Variants in DTNA observed in about 807,000 individuals in gnomAD.
The protein encoded by DTNA is dystrobrevin alpha.
A neutral mutation model predicts 100.7 loss-of-function variants in DTNA; 43 were observed. That is an observed-to-expected ratio of 0.43 (90% CI 0.33 to 0.55). The LOEUF (loss-of-function observed/expected upper bound fraction) is 0.55. DTNA is among the 20% of genes least tolerant of loss of function. The pLI is 0.04. For missense variants in DTNA, 798 were observed against 953.9 expected (o/e 0.84, Z 2.15); for synonymous variants, 349 against 347.9 (o/e 1.00, Z -0.04).
intron 2 of DTNA, among the ~76,000 whole-genome samples, chr18:34,760,407 A>G (rs191566230): frequency 6.6e-6 from 1 of 152,226 alleles, no homozygotes; most frequent in Admixed American, 6.5e-5. Context: ...CTTTCTCTCA[A>G]GCCTTTACCT....
chr18:34,530,779 G>C (rs1043865531), intron 1 of DTNA, among the ~76,000 whole-genome samples: 1 of 152,092 alleles, frequency 6.6e-6, no homozygotes, highest in Non-Finnish European at 1.5e-5. Flanking sequence ...TCAAACCAAA[G>C]CTATCTGATC....
chr18:34,693,734 A>G (rs927430653), intron 1 of DTNA, among the ~76,000 whole-genome samples: 2 of 141,210 alleles, frequency 1.4e-5, no homozygotes, highest in Middle Eastern at 3.3e-3. Flanking sequence ...CCTGCTTGTC[A>G]TCTTGTGTGC....
intron 3 of DTNA, among the ~76,000 whole-genome samples, chr18:34,791,451 C>T (rs564351743): frequency 1.3e-5 from 2 of 152,168 alleles, no homozygotes; most frequent in Non-Finnish European, 2.9e-5. Flanking sequence ...AGAAGATTCA[C>T]AGATCAAATC....
At chr18:34,626,893 T>A (rs1436169929) in intron 1 of DTNA, among the ~76,000 whole-genome samples, 1 of 152,208 alleles carries the variant, frequency 6.6e-6, no homozygotes, top group Admixed American at 6.5e-5. Flanking sequence ...CTGTAGCTGA[T>A]AAGCTCACTG....
chr18:34,830,955 A>G (rs755632660), intron 11 of DTNA, among the ~76,000 whole-genome samples: 1 of 152,152 alleles, frequency 6.6e-6, no homozygotes, highest in Non-Finnish European at 1.5e-5. Flanking sequence ...TTAGTGTATT[A>G]TTATTATTAT....
chr18:34,502,489 A>G (rs1024980729), intron 1 of DTNA, among the ~76,000 whole-genome samples: 4 of 152,140 alleles, frequency 2.6e-5, no homozygotes, highest in African/African-American at 7.2e-5. Flanking sequence ...TAATGTATGC[A>G]TTTAGTGCTA....
At chr18:34,610,794 T>C (rs1476511880) in intron 1 of DTNA, among the ~76,000 whole-genome samples, 1 of 152,210 alleles carries the variant, frequency 6.6e-6, no homozygotes, top group Admixed American at 6.5e-5. Context: ...ATCTCTTAAA[T>C]TGGAACAATA....
intron 2 of DTNA, among the ~76,000 whole-genome samples, chr18:34,762,061 C>A (rs1266547247): frequency 6.6e-6 from 1 of 152,086 alleles, no homozygotes; most frequent in Non-Finnish European, 1.5e-5. Flanking sequence ...TTTTTTAGAT[C>A]TTGGCCAAAA....
At chr18:34,603,605 T>G (rs2052411928) in intron 1 of DTNA, among the ~76,000 whole-genome samples, 6 of 152,186 alleles carry the variant, frequency 3.9e-5, no homozygotes, top group Admixed American at 3.9e-4. Flanking sequence ...CTTGCAATAA[T>G]ATTTGTTTAA....
At chr18:34,655,032 T>C (rs1323374316) in intron 1 of DTNA, among the ~76,000 whole-genome samples, 2 of 152,192 alleles carry the variant, frequency 1.3e-5, no homozygotes, top group African/African-American at 4.8e-5. Context: ...CGGCCTAATT[T>C]TTTTAATAGG....
chr18:34,662,731 C>G (rs763692610), intron 1 of DTNA: 8 of 152,294 alleles, frequency 5.3e-5, no homozygotes, highest in Middle Eastern at 3.4e-3. Context: ...TAGCTAACAT[C>G]TGTTGAGTTG....
At chr18:34,674,163 CA>C (rs2077117955) in intron 1 of DTNA, among the ~76,000 whole-genome samples, 1 of 152,206 alleles carries the variant, frequency 6.6e-6, no homozygotes, top group Admixed American at 6.5e-5. Flanking sequence ...CAGCCAGTCT[CA>C]AAGGCACTTT....
chr18:34,706,837 A>G (rs1427936174), upstream of DTNA, among the ~76,000 whole-genome samples: 5 of 152,176 alleles, frequency 3.3e-5, no homozygotes, highest in Non-Finnish European at 4.4e-5. Flanking sequence ...AATAGATACT[A>G]ATCCGATTAA....
chr18:34,852,709 G>A (rs2096496118), intron 15 of DTNA, among the ~76,000 whole-genome samples: 1 of 152,034 alleles, frequency 6.6e-6, no homozygotes, highest in Admixed American at 6.6e-5. Flanking sequence ...CCTGTCTACA[G>A]CCTTTGAATT....
At chr18:34,664,589 G>A (rs1223560233) in intron 1 of DTNA, among the ~76,000 whole-genome samples, 2 of 152,088 alleles carry the variant, frequency 1.3e-5, no homozygotes, top group Admixed American at 6.6e-5. Flanking sequence ...CAAACTGGTG[G>A]TGTGGTTGTG....
chr18:34,786,969 T>C (rs532723931), intron 3 of DTNA, among the ~76,000 whole-genome samples: 1 of 152,228 alleles, frequency 6.6e-6, no homozygotes, highest in African/African-American at 2.4e-5. Context: ...TTCTTATACT[T>C]AAATGTGAAT....
At chr18:34,603,781 G>A (rs989206304) in intron 1 of DTNA, among the ~76,000 whole-genome samples, 2 of 152,046 alleles carry the variant, frequency 1.3e-5, no homozygotes, top group African/African-American at 4.8e-5. Flanking sequence ...AAATTTATTA[G>A]ACTTATTATT....
At chr18:34,706,926 T>G (rs1268862842), upstream of DTNA, among the ~76,000 whole-genome samples, 1 of 152,212 alleles carries the variant, frequency 6.6e-6, no homozygotes. Context: ...ACAATCTTTT[T>G]TTGTTGCTGT....
In DTNA at chr18:34,877,547, T is replaced by TCTG. The variant is rs541611712; in HGVS notation, c.1904-172_1904-171insCTG. On this transcript the variant is annotated intron_variant, in intron 18 of 22. Transcript: ENST00000444659. ...CAGGACCCACTGCCCTAAGCAGTGT[T>TCTG]TTGTTGTTGTTGTTGTTCTTGTTTC... is the stretch of plus-strand genomic sequence containing the variant. 5.8e-3 allele frequency among the ~76,000 whole-genome samples: 879 copies of TCTG among 152,256 alleles called. 2 individuals are homozygous for TCTG. The highest frequency in any genetic ancestry group is 9.2e-3 in the Non-Finnish European group (628 of 68,010).
Sources: gnomAD v4.1 joint callset for allele counts (sites outside exome capture counted in the v4.1 genomes callset) on GRCh38, gnomAD v4.1.1 for gene constraint, MANE v1.5 for transcripts, NCBI Gene and HGNC (gene_info 2026-07-23, HGNC 2026-07-21) for gene names.